The following ADAM29 variants were observed in gnomAD, a reference collection of about 807,000 sequenced individuals.
ADAM29 encodes ADAM metallopeptidase domain 29.
For synonymous variants in ADAM29, 367 were observed against 342.3 expected, an observed-to-expected ratio of 1.07 and a Z score of -0.80; for missense variants, 969 against 1,001.8, an observed-to-expected ratio of 0.97 and a Z score of 0.44.
In ADAM29 at chr4:174,931,001, A is replaced by ATG. The variant is rs35520211; in HGVS notation, c.-434_-433insGT. The ATG allele has an allele frequency of 0.91, 137,715 of 152,006 alleles. 62,505 individuals carry two copies. The highest frequency in any genetic ancestry group is 0.96 in the East Asian group (4,958 of 5,152). The allele number at this position is 152,006 out of a possible 1,614,324, so 9.4% of individuals were successfully genotyped here. On this transcript the variant is annotated 5_prime_UTR_variant, in exon 3 of 5. The change creates a new upstream start codon in the 5' untranslated region. Transcript: ENST00000359240. ...CTCATTTCAGGTTAGAGTACAAAAC[A>ATG]TTCTCCCTGCAGTCTCACGAACTGT...
intron 2 of ADAM29, among the ~76,000 whole-genome samples, chr4:174,925,743 T>C (rs1743481104): frequency 6.6e-6 from 1 of 152,214 alleles, no homozygotes; most frequent in African/African-American, 2.4e-5. Flanking sequence ...TCGTAAAGAC[T>C]TGTGCTCCTG....
chr4:174,963,712 T>G (rs955554293), intron 4 of ADAM29, among the ~76,000 whole-genome samples: 2 of 152,234 alleles, frequency 1.3e-5, no homozygotes, highest in East Asian at 3.9e-4. Flanking sequence ...AGATGGAATC[T>G]TGCTCTGTCA....
chr4:174,958,127 G>A (rs1745610078), intron 4 of ADAM29, among the ~76,000 whole-genome samples: 1 of 151,694 alleles, frequency 6.6e-6, no homozygotes, highest in African/African-American at 2.4e-5. Flanking sequence ...TATGTGTTTT[G>A]CTGTTTTTAA....
chr4:174,949,858 C>G (rs1009725386), intron 4 of ADAM29, among the ~76,000 whole-genome samples: 1 of 152,092 alleles, frequency 6.6e-6, no homozygotes, highest in African/African-American at 2.4e-5. Context: ...CCTTTTCCCT[C>G]AATTTCTCAT....
In ADAM29 at chr4:174,978,028, G is replaced by T. The variant is rs558551298; in HGVS notation, c.*40G>T. On this transcript the variant is annotated 3_prime_UTR_variant, in exon 5 of 5. Transcript: ENST00000359240. ...GATGCCTTCCCAGAGTCAACCTCCT[G>T]TGACGCCCTCCCAGAGCCAACCTCG... 1.5e-5 allele frequency: 24 copies of T among 1,602,290 alleles called. No homozygotes were observed. Among genetic ancestry groups the T allele is most frequent in the Non-Finnish European group, 2.0e-5 (24 of 1,172,346 alleles).
chr4:174,941,073 C>G (rs944462318), intron 4 of ADAM29, among the ~76,000 whole-genome samples: 10 of 151,772 alleles, frequency 6.6e-5, no homozygotes, highest in Non-Finnish European at 1.3e-4. Context: ...TTCTATTTAC[C>G]ATGAATTTGA....
chr4:174,946,104 C>T (rs547896687), intron 4 of ADAM29, among the ~76,000 whole-genome samples: 15 of 152,102 alleles, frequency 9.9e-5, no homozygotes, highest in Non-Finnish European at 1.6e-4. Flanking sequence ...TTAAGAATAT[C>T]GATTCTTTCT....
intron 3 of ADAM29, among the ~76,000 whole-genome samples, chr4:174,934,493 C>A (rs1281990476): frequency 6.6e-6 from 1 of 151,966 alleles, no homozygotes; most frequent in Non-Finnish European, 1.5e-5. Flanking sequence ...TTGTTCAAAA[C>A]ACTTGGGTTT....
intron 3 of ADAM29, among the ~76,000 whole-genome samples, chr4:174,934,398 A>G (rs1325267239): frequency 1.3e-5 from 2 of 152,094 alleles, no homozygotes; most frequent in Non-Finnish European, 2.9e-5. Flanking sequence ...AATCTCAAAG[A>G]GTTTTAATTT....
intron 4 of ADAM29, among the ~76,000 whole-genome samples, chr4:174,944,055 A>G (rs2110985953): frequency 6.6e-6 from 1 of 151,854 alleles, no homozygotes; most frequent in South Asian, 2.1e-4. Flanking sequence ...ATAATTATAA[A>G]TACAATTATA....
intron 4 of ADAM29, among the ~76,000 whole-genome samples, chr4:174,971,878 C>T (rs531084026): frequency 7.7e-4 from 117 of 152,204 alleles, no homozygotes; most frequent in Non-Finnish European, 1.1e-3. Flanking sequence ...TAAGTTTTCT[C>T]CACTCATTTT....
At chr4:174,974,280 G>A (rs1746629085) in intron 4 of ADAM29, among the ~76,000 whole-genome samples, 1 of 152,138 alleles carries the variant, frequency 6.6e-6, no homozygotes. Flanking sequence ...AGCTATTATT[G>A]TTATTATTTT....
At position 174,976,079 on chromosome 4, in the gene ADAM29, A is replaced by G. The variant is rs764876659; in HGVS notation, c.554A>G (p.Gln185Arg). The G allele has an allele frequency of 2.5e-6, 4 of 1,610,804 alleles. No homozygotes were observed. The South Asian group carries it at 4.4e-5, about 18-fold the overall frequency. The change falls in exon 5 of 5, where the codon CAG (glutamine) becomes CGG (arginine). Residue 185 changes from glutamine (Q) to arginine (R), a missense_variant. By Grantham distance (43) the Gln-to-Arg change is conservative (BLOSUM62 1). Coordinates refer to ENST00000359240, the MANE Select transcript of ADAM29 (RefSeq NM_014269.4). ...TTTGAAGAAATTGATAATTCCACTC[A>G]GAAGCAAAGTTCTTATGTGGGCTGG... ...MEFEEIDNST[Q>R]KQSSYVGWWI...
At chr4:174,965,526 C>CTATCTATCTATCATT (rs1553977784) in intron 4 of ADAM29, among the ~76,000 whole-genome samples, 5 of 149,544 alleles carry the variant, frequency 3.3e-5, no homozygotes, top group Admixed American at 3.3e-4. Context: ...TATCTATCAT[C>CTATCTATCTATCATT]TATCATCTAT....
At chr4:174,926,201 T>C (rs1452634535) in intron 2 of ADAM29, among the ~76,000 whole-genome samples, 8 of 152,108 alleles carry the variant, frequency 5.3e-5, no homozygotes, top group Non-Finnish European at 8.8e-5. Flanking sequence ...CCCAAACCAC[T>C]GTATGAGGTA....
At chr4:174,943,191 A>G (rs770011158) in intron 4 of ADAM29, among the ~76,000 whole-genome samples, 1 of 152,200 alleles carries the variant, frequency 6.6e-6, no homozygotes, top group Non-Finnish European at 1.5e-5. Flanking sequence ...CGCATTCAGC[A>G]AGTATTTTGG....
intron 2 of ADAM29, among the ~76,000 whole-genome samples, chr4:174,925,121 G>A (rs1743427605): frequency 6.6e-6 from 1 of 152,098 alleles, no homozygotes; most frequent in African/African-American, 2.4e-5. Flanking sequence ...CAAGGAAAGG[G>A]CAAAACTGCA....
At chr4:174,924,977 G>A (rs2110903760) in intron 2 of ADAM29, among the ~76,000 whole-genome samples, 1 of 152,288 alleles carries the variant, frequency 6.6e-6, no homozygotes, top group African/African-American at 2.4e-5. Flanking sequence ...CAGTTGCCTT[G>A]ATATGATAAA....
chr4:174,970,459 T>C (rs979112134), intron 4 of ADAM29, among the ~76,000 whole-genome samples: 4 of 151,908 alleles, frequency 2.6e-5, no homozygotes, highest in African/African-American at 9.7e-5. Context: ...CCCTTGAAAA[T>C]TGAAGGAATA....
Sources: gnomAD v4.1 joint callset for allele counts (sites outside exome capture counted in the v4.1 genomes callset) on GRCh38, gnomAD v4.1.1 for gene constraint, MANE v1.5 for transcripts, NCBI Gene and HGNC (gene_info 2026-07-23, HGNC 2026-07-21) for gene names.